Variants in STRBP observed in about 807,000 individuals in gnomAD.
STRBP encodes spermatid perinuclear RNA binding protein, also known as spermatid perinuclear RNA-binding protein.
Under a neutral mutation model 80.1 loss-of-function variants are expected in STRBP, and 13 were observed. The observed-to-expected ratio is 0.16, with a 90% CI of 0.11 to 0.26. The LOEUF (loss-of-function observed/expected upper bound fraction) is 0.26. Among genes scored for constraint, STRBP ranks in the 10% least tolerant of loss-of-function variants. The pLI is 1.00. For missense variants in STRBP, 485 were observed against 815.2 expected (o/e 0.59, Z 4.93); for synonymous variants, 284 against 291.2 (o/e 0.98, Z 0.25).
rs527921747 is a variant in STRBP, at chr9:123,115,837, A to AT, written c.*84+91dup. On this transcript the variant is annotated intron_variant and NMD_transcript_variant, in intron 3 of 3. Coordinates refer to the STRBP transcript ENST00000471564. The surrounding 1 kb of genome is among the most constrained non-coding windows in gnomAD (Gnocchi z 5.0). ...CTGCGTCTGTCATCGCGGGAGGTGTATTTTAGCTCAAATTGCCCCACTGGC... is the reference window on the plus strand; with the variant it reads ...CTGCGTCTGTCATCGCGGGAGGTGTATTTTTAGCTCAAATTGCCCCACTGGC... 4.3e-4 allele frequency: 153 copies of AT among 358,332 alleles called. No individual in the cohort carries two copies. The highest frequency in any genetic ancestry group is 3.0e-3 in the African/African-American group (139 of 46,904). 22.2% of individuals were successfully genotyped at this position (358,332 alleles called of 1,614,324 possible).
intron 2 of STRBP, among the ~76,000 whole-genome samples, chr9:123,193,740 T>C (rs1191859507): frequency 6.6e-6 from 1 of 152,066 alleles, no homozygotes; most frequent in Admixed American, 6.5e-5. Flanking sequence ...TCTGTCCTTA[T>C]CCAACCGAAA....
chr9:123,122,969 G>C lies in STRBP; in HGVS notation c.*2628C>G, dbSNP rs900940732. ...AACAGACACCGTGGCTTTGAACAAA[G>C]TATTGCTCTTCTTTAAAATGATCAG... On this transcript the variant is annotated 3_prime_UTR_variant, in exon 19 of 19. Transcript: ENST00000348403. The C allele has an allele frequency of 5.1e-6, 5 of 985,334 alleles. No individual in the cohort carries two copies. The highest frequency in any genetic ancestry group is 3.6e-6 in the Non-Finnish European group (3 of 829,932). The allele number at this position is 985,334 out of a possible 1,614,324, so 61.0% of individuals were successfully genotyped here. A position where few individuals can be genotyped will look rare whatever the true frequency, so the allele number is the denominator to read the frequency against.
At chr9:123,170,234 A>G (rs1352455364) in intron 5 of STRBP, among the ~76,000 whole-genome samples, 188 bp from the exon 6 acceptor site, 1 of 152,154 alleles carries the variant, frequency 6.6e-6, no homozygotes, top group Non-Finnish European at 1.5e-5. Context: ...TTACAAGAAA[A>G]CCCTCTTTCT....
At chr9:123,135,898 G>T in intron 16 of STRBP, 143 bp downstream of exon 16, 2 of 987,602 alleles carry the variant, frequency 2.0e-6, no homozygotes, top group Non-Finnish European at 1.5e-6. Flanking sequence ...TATTATTCGT[G>T]ACCTAACCCA....
At chr9:123,180,907 G>C (rs919408050) in intron 3 of STRBP, 26 of 984,030 alleles carry the variant, frequency 2.6e-5, no homozygotes, top group Non-Finnish European at 3.1e-5. Context: ...ATTTTGTTTT[G>C]AAGTCCATCG....
chr9:123,123,623 G>A lies in STRBP; in HGVS notation c.*1974C>T, dbSNP rs2035799080. On this transcript the variant is annotated 3_prime_UTR_variant, in exon 19 of 19. Transcript: ENST00000348403. ...ACAGCTCCCTTTTCACCATTACAGA[G>A]CGCGTGAGTTATGAAGCAGAGTCAG... The A allele has an allele frequency of 1.0e-6, 1 of 984,980 alleles. No individual in the cohort carries two copies. Among genetic ancestry groups the A allele is most frequent in the Non-Finnish European group, 1.2e-6 (1 of 829,894 alleles). 61.0% of individuals were successfully genotyped at this position (984,980 alleles called of 1,614,324 possible).
intron 1 of STRBP, among the ~76,000 whole-genome samples, chr9:123,256,143 G>A (rs576443495): frequency 2.0e-5 from 3 of 148,032 alleles, no homozygotes; most frequent in African/African-American, 2.5e-5. Context: ...CCAACCTCAG[G>A]CTCCCAAGTA....
intron 2 of STRBP, among the ~76,000 whole-genome samples, chr9:123,195,649 A>G (rs1318230670): frequency 3.3e-5 from 5 of 152,226 alleles, no homozygotes; most frequent in African/African-American, 1.2e-4. Context: ...AAGAAGTGAA[A>G]GATCTCTACA....
At chr9:123,243,838 G>GA (rs759397495) in intron 1 of STRBP, among the ~76,000 whole-genome samples, 26 of 152,234 alleles carry the variant, frequency 1.7e-4, no homozygotes, top group Non-Finnish European at 3.4e-4. Context: ...AATGTAAAAT[G>GA]GTACTTTGGA....
In STRBP at chr9:123,144,514, T is replaced by G. The variant is rs543149011; in HGVS notation, c.1338+2341A>C. On this transcript the variant is annotated intron_variant, in intron 13 of 18. Transcript: ENST00000348403. Reference sequence around the variant, plus strand: ...TGTTTTGCCACCCAGTGAATTTGCATCAAACTTAGGGAAATTTTTTTCATT... The same window carrying G: ...TGTTTTGCCACCCAGTGAATTTGCAGCAAACTTAGGGAAATTTTTTTCATT... Among the ~76,000 whole-genome samples, 8 of 152,300 alleles carry G rather than the reference T, an allele frequency of 5.3e-5. No homozygotes were observed. In the East Asian group the frequency reaches 1.5e-3, roughly 29 times the overall value.
chr9:123,155,729 G>A (rs1397054628), intron 11 of STRBP, among the ~76,000 whole-genome samples: 1 of 152,088 alleles, frequency 6.6e-6, no homozygotes, highest in African/African-American at 2.4e-5. Flanking sequence ...ACTAGGCTAT[G>A]CCCACAGAAT....
chr9:123,157,974 G>C (rs770062354), intron 11 of STRBP, 38 bp downstream of exon 11: 2 of 1,443,068 alleles, frequency 1.4e-6, no homozygotes, highest in Non-Finnish European at 1.9e-6. Flanking sequence ...CTCTACCAGT[G>C]CCAACCCCCA....
intron 6 of STRBP, chr9:123,168,252 T>C: frequency 9.2e-6 from 9 of 982,842 alleles, no homozygotes; most frequent in Non-Finnish European, 1.1e-5. Context: ...AATGGTGAAC[T>C]GTAAAGCTGT....
chr9:123,174,904 T>G (rs2038155995), intron 4 of STRBP, among the ~76,000 whole-genome samples: 1 of 152,188 alleles, frequency 6.6e-6, no homozygotes, highest in South Asian at 2.1e-4. Flanking sequence ...TTAACCGTCT[T>G]TCAACAAATA....
intron 2 of STRBP, among the ~76,000 whole-genome samples, chr9:123,215,099 C>A (rs928518483): frequency 6.6e-6 from 1 of 151,966 alleles, no homozygotes; most frequent in African/African-American, 2.4e-5. Context: ...TGGGCTCTTA[C>A]TCTGTCACCC....
intron 2 of STRBP, among the ~76,000 whole-genome samples, chr9:123,217,264 A>G (rs924072030): frequency 2.0e-5 from 3 of 152,224 alleles, no homozygotes; most frequent in Admixed American, 6.5e-5. Flanking sequence ...ACTCAAAATG[A>G]TAGAGTAGAA....
In STRBP at chr9:123,115,675, G is replaced by A. The variant is rs1588432209; in HGVS notation, c.*84+254C>T. 3.0e-6 allele frequency: 1 copy of A among 335,586 alleles called. No homozygotes were observed. Among genetic ancestry groups the A allele is most frequent in the Non-Finnish European group, 5.9e-6 (1 of 170,524 alleles). 20.8% of individuals were successfully genotyped at this position (335,586 alleles called of 1,614,324 possible). A position where few individuals can be genotyped will look rare whatever the true frequency, so the allele number is the denominator to read the frequency against. ...CAAGAAGGGAGACATGGTCTTGGCAGCATCACCAGTCAACATCAGAGTTCG... is the reference window on the plus strand; with the variant it reads ...CAAGAAGGGAGACATGGTCTTGGCAACATCACCAGTCAACATCAGAGTTCG... On this transcript the variant is annotated intron_variant and NMD_transcript_variant, in intron 3 of 3. Transcript: ENST00000471564. This position sits in a 1 kb window ranked among gnomAD's most constrained non-coding sequence, Gnocchi z 5.0.
intron 3 of STRBP, among the ~76,000 whole-genome samples, chr9:123,179,565 C>T (rs897499570): frequency 6.6e-6 from 1 of 152,106 alleles, no homozygotes; most frequent in African/African-American, 2.4e-5. Flanking sequence ...CACTTGAGGT[C>T]AGGAGTTTGA....
chr9:123,137,004 G>T (rs2036383642), intron 14 of STRBP, among the ~76,000 whole-genome samples: 1 of 152,172 alleles, frequency 6.6e-6, no homozygotes, highest in African/African-American at 2.4e-5. Flanking sequence ...GGTAAAAACA[G>T]TTGGCTATAG....
Sources: gnomAD v4.1 joint callset for allele counts (sites outside exome capture counted in the v4.1 genomes callset) on GRCh38, gnomAD v4.1.1 for gene constraint, Gnocchi (gnomAD v3.1) non-coding constraint, MANE v1.5 for transcripts, NCBI Gene and HGNC (gene_info 2026-07-23, HGNC 2026-07-21) for gene names.